Variants in ESR1 observed in about 807,000 individuals in gnomAD.
ESR1 encodes the protein estrogen receptor.
A neutral mutation model predicts 52.7 loss-of-function variants in ESR1; 12 were observed. That is an observed-to-expected ratio of 0.23 (90% CI 0.15 to 0.37). The LOEUF is 0.37. Among genes scored for constraint, ESR1 ranks in the 10% least tolerant of loss-of-function variants. ESR1 has a pLI of 1.00. For missense variants in ESR1, 584 were observed against 779.7 expected (o/e 0.75, Z 2.99); for synonymous variants, 305 against 316.8 (o/e 0.96, Z 0.39).
rs745670953 is a variant in ESR1 at position 151,808,193 on chromosome 6, T to C, written c.281T>C (p.Leu94Pro). The C allele has an allele frequency of 5.1e-6, 8 of 1,577,004 alleles. No individual in the cohort carries two copies. Among genetic ancestry groups the C allele is most frequent in the Non-Finnish European group, 6.9e-6 (8 of 1,161,386 alleles). The change falls in exon 1 of 8, where the codon CTG (leucine) becomes CCG (proline). Residue 94 changes from leucine to proline, a missense_variant. Leu to Pro is a moderately conservative substitution (Grantham distance 98, BLOSUM62 -3). Around this residue, in one of 6 missense-constraint regions of ESR1, gnomAD observed 251 missense variants for 246.1 expected, o/e 1.02. Transcript: ENST00000206249. ...GCTGCGGCGTTCGGCTCCAACGGCC[T>C]GGGGGGTTTCCCCCCACTCAACAGC... ...SEAAAFGSNG[L>P]GGFPPLNSVS...
intron 4 of ESR1, among the ~76,000 whole-genome samples, chr6:151,953,286 G>A (rs986688960): frequency 2.6e-5 from 4 of 152,136 alleles, no homozygotes; most frequent in African/African-American, 7.2e-5. Flanking sequence ...GCCAAAGTTC[G>A]AACTTTGCTG....
At chr6:151,933,048 A>G (rs897333285) in intron 3 of ESR1, among the ~76,000 whole-genome samples, 1 of 152,004 alleles carries the variant, frequency 6.6e-6, no homozygotes, top group African/African-American at 2.4e-5. Flanking sequence ...CTTGGGCAGT[A>G]TGGCCATTTT....
intron 4 of ESR1, among the ~76,000 whole-genome samples, chr6:152,007,925 G>A (rs1365399497): frequency 6.6e-6 from 1 of 152,108 alleles, no homozygotes; most frequent in African/African-American, 2.4e-5. Context: ...AATTATTATA[G>A]CAGGTTCATT....
chr6:151,737,598 C>T (rs1782773207), intron 2 of ESR1, among the ~76,000 whole-genome samples: 1 of 152,034 alleles, frequency 6.6e-6, no homozygotes, highest in South Asian at 2.1e-4. Flanking sequence ...AAGTATTGTG[C>T]AGTGGAAAAT....
intron 4 of ESR1, among the ~76,000 whole-genome samples, chr6:151,964,040 T>C (rs2037975391): frequency 6.6e-6 from 1 of 152,218 alleles, no homozygotes; most frequent in Non-Finnish European, 1.5e-5. Flanking sequence ...TGTCTGTTTT[T>C]ATGCCAGTAT....
chr6:151,735,432 A>G (rs1403262863), intron 2 of ESR1, among the ~76,000 whole-genome samples: 1 of 152,212 alleles, frequency 6.6e-6, no homozygotes, highest in Non-Finnish European at 1.5e-5. Flanking sequence ...CTTGCTCAGA[A>G]ACCATAAGCT....
intron 1 of ESR1, among the ~76,000 whole-genome samples, chr6:151,661,367 T>C (rs1777632955): frequency 6.6e-6 from 1 of 152,130 alleles, no homozygotes; most frequent in African/African-American, 2.4e-5. Flanking sequence ...GAGGGTAAAG[T>C]TTAGCCTGCA....
intron 2 of ESR1, among the ~76,000 whole-genome samples, chr6:151,734,551 G>A (rs1005293661): frequency 6.6e-6 from 1 of 152,118 alleles, no homozygotes; most frequent in African/African-American, 2.4e-5. Flanking sequence ...CTCACCACCT[G>A]GGTGACAAGG....
intron 4 of ESR1, among the ~76,000 whole-genome samples, chr6:151,945,529 A>G (rs922858511): frequency 1.3e-5 from 2 of 152,212 alleles, no homozygotes; most frequent in African/African-American, 4.8e-5. Flanking sequence ...CAACAAGACT[A>G]GAAAATGACT....
At chr6:152,036,557 C>T (rs1390393606) in intron 5 of ESR1, among the ~76,000 whole-genome samples, 1 of 152,112 alleles carries the variant, frequency 6.6e-6, no homozygotes, top group Non-Finnish European at 1.5e-5. Context: ...ATTCCCTTTA[C>T]CCACCATCAA....
At chr6:151,845,136 C>T (rs1158367671) in intron 2 of ESR1, among the ~76,000 whole-genome samples, 1 of 151,914 alleles carries the variant, frequency 6.6e-6, no homozygotes, top group African/African-American at 2.4e-5. Context: ...TTAGTATTGT[C>T]TCTAAGCATT....
chr6:152,013,711 C>CCAGTGTGTA (rs1266391347), intron 5 of ESR1, among the ~76,000 whole-genome samples: 1 of 152,118 alleles, frequency 6.6e-6, no homozygotes, highest in Non-Finnish European at 1.5e-5. Context: ...TCTGTACACT[C>CCAGTGTGTA]CAGTGGTGGC....
intron 2 of ESR1, among the ~76,000 whole-genome samples, chr6:151,872,820 TC>T (rs1688164244): frequency 6.6e-6 from 1 of 152,140 alleles, no homozygotes; most frequent in African/African-American, 2.4e-5. Flanking sequence ...TCAATATCTT[TC>T]TCAGAGTGTA....
At position 151,974,876 on chromosome 6, in the gene ESR1, G is replaced by A. The variant is rs563549692; in HGVS notation, c.1096+30368G>A. 2.6e-5 allele frequency among the ~76,000 whole-genome samples: 4 copies of A among 152,122 alleles called. No homozygotes were observed. The South Asian group carries it at 8.3e-4, about 32-fold the overall frequency. ...ACTCGCTCTGTCTCTGCCTAGCAGC[G>A]CTAGTCTTTTCTACGTGTTTGATCT... On this transcript the variant is annotated intron_variant, in intron 4 of 7. Transcript: ENST00000206249.
rs10588683 is a variant in ESR1, at chr6:152,034,290, A to AAAATAAATAAATAAATAAATAAAT, written c.1235+22502_1235+22525dup. 1.8e-3 allele frequency among the ~76,000 whole-genome samples: 272 copies of AAAATAAATAAATAAATAAATAAAT among 150,282 alleles called. 3 individuals carry two copies. Among genetic ancestry groups the AAAATAAATAAATAAATAAATAAAT allele is most frequent in the South Asian group, 6.4e-3 (30 of 4,692 alleles). ...GTACCCTAAAACTTAAAGTACAATA[A>AAAATAAATAAATAAATAAATAAAT]AAATAAATAAATAAATAAATAAATA... On this transcript the variant is annotated intron_variant, in intron 5 of 7. Transcript: ENST00000206249.
chr6:151,809,880 T>A (rs888779102), intron 1 of ESR1, among the ~76,000 whole-genome samples: 10 of 152,020 alleles, frequency 6.6e-5, no homozygotes, highest in Non-Finnish European at 1.2e-4. Flanking sequence ...TTTTTTTTTT[T>A]AAATGGAAGA....
chr6:151,719,362 G>C (rs1336983273), intron 2 of ESR1, among the ~76,000 whole-genome samples: 3 of 152,160 alleles, frequency 2.0e-5, no homozygotes, highest in Non-Finnish European at 4.4e-5. Flanking sequence ...GGGTGCAAGA[G>C]TACTGTCAAG....
At chr6:152,039,296 T>A (rs2179924) in intron 5 of ESR1, among the ~76,000 whole-genome samples, 66,722 of 151,824 alleles carry the variant, frequency 0.44, 16,598 homozygotes, top group African/African-American at 0.67. Context: ...ATCACAGGGC[T>A]TGGTAATACT....
At chr6:151,766,933 A>G (rs868472900) in intron 2 of ESR1, among the ~76,000 whole-genome samples, 2 of 152,220 alleles carry the variant, frequency 1.3e-5, no homozygotes, top group African/African-American at 4.8e-5. Context: ...TAAATGACAG[A>G]TATAGTTGAG....
Sources: gnomAD v4.1 joint callset for allele counts (sites outside exome capture counted in the v4.1 genomes callset) on GRCh38, gnomAD v4.1.1 for gene constraint, gnomAD v4.1.1 regional missense constraint, MANE v1.5 for transcripts, NCBI Gene and HGNC (gene_info 2026-07-23, HGNC 2026-07-21) for gene names.